MTMR8: variants seen among roughly 807,000 people sequenced by gnomAD.
MTMR8 encodes the protein myotubularin related protein 8.
Under a neutral mutation model 39.3 loss-of-function variants are expected in MTMR8, and 65 were observed. The ratio of observed to expected loss-of-function variants is 1.65; its 90% CI spans 1.35 to 2.03. MTMR8 has a LOEUF of 2.03. MTMR8 is among the 30% of genes most tolerant of loss of function. MTMR8 has a pLI of 0.00. For missense variants in MTMR8, 777 were observed against 538.9 expected, an observed-to-expected ratio of 1.44 and a Z score of -4.37; for synonymous variants, 245 against 185.2, an observed-to-expected ratio of 1.32 and a Z score of -2.62.
chrX:64,302,872 C>T (rs1280225801), intron 12 of MTMR8, among the ~76,000 whole-genome samples: 1 of 112,205 alleles, frequency 8.9e-6, no homozygotes, highest in Non-Finnish European at 1.9e-5. Flanking sequence ...TGCTGCCTAG[C>T]AACATCATAT....
chrX:64,326,663 T>C (rs912976692), intron 12 of MTMR8, among the ~76,000 whole-genome samples: 5 of 110,126 alleles, frequency 4.5e-5, no homozygotes, highest in African/African-American at 1.3e-4. Context: ...AAAATACCAA[T>C]GGCATTCTTC....
At chrX:64,312,559 G>C (rs772865615) in intron 12 of MTMR8, among the ~76,000 whole-genome samples, 1 of 112,418 alleles carries the variant, frequency 8.9e-6, no homozygotes, top group South Asian at 3.7e-4. Flanking sequence ...CACATGACAT[G>C]ATTGTATATT....
intron 12 of MTMR8, among the ~76,000 whole-genome samples, chrX:64,301,243 T>G (rs1921862493): frequency 2.8e-5 from 3 of 108,254 alleles, no homozygotes; most frequent in Admixed American, 1.0e-4. Flanking sequence ...TCTTTTCACA[T>G]AGTCCCATAT....
intron 12 of MTMR8, among the ~76,000 whole-genome samples, chrX:64,309,616 T>C (rs1307500831): frequency 1.8e-5 from 2 of 111,665 alleles, no homozygotes; most frequent in Non-Finnish European, 3.8e-5. Context: ...TGGCTAGGAC[T>C]TCCAATACTA....
chrX:64,310,749 T>C (rs1182071783), intron 12 of MTMR8, among the ~76,000 whole-genome samples: 1 of 109,415 alleles, frequency 9.1e-6, no homozygotes, highest in African/African-American at 3.3e-5. Flanking sequence ...CAACATGCGG[T>C]ATTTGGTTTT....
chrX:64,311,019 A>G (rs1922280739), intron 12 of MTMR8, among the ~76,000 whole-genome samples: 1 of 111,702 alleles, frequency 9.0e-6, no homozygotes, highest in African/African-American at 3.3e-5. Context: ...TATACCCAGT[A>G]ATGGGATTGC....
chrX:64,296,206 A>T (rs1921574226), intron 12 of MTMR8, among the ~76,000 whole-genome samples: 1 of 111,860 alleles, frequency 8.9e-6, no homozygotes, highest in Admixed American at 9.6e-5. Flanking sequence ...CCAGACACAA[A>T]CACATACAAA....
intron 12 of MTMR8, among the ~76,000 whole-genome samples, chrX:64,275,236 G>A (rs1931845687): frequency 9.0e-6 from 1 of 110,934 alleles, no homozygotes; most frequent in Non-Finnish European, 1.9e-5. Context: ...ATAAATTATA[G>A]TGATAATTTA....
intron 2 of MTMR8, among the ~76,000 whole-genome samples, chrX:64,357,547 C>T (rs1312630023): frequency 9.0e-6 from 1 of 111,113 alleles, no homozygotes; most frequent in Admixed American, 9.6e-5. Flanking sequence ...TTGCCTCAGC[C>T]TCCTGAGTAA....
At chrX:64,287,919 G>A (rs1257550029) in intron 12 of MTMR8, among the ~76,000 whole-genome samples, 2 of 99,297 alleles carry the variant, frequency 2.0e-5, no homozygotes, top group Non-Finnish European at 4.0e-5. Context: ...AGGACTTGAT[G>A]TCTAAAACAC....
At chrX:64,378,302 C>T (rs1215112606) in intron 1 of MTMR8, among the ~76,000 whole-genome samples, 1 of 111,945 alleles carries the variant, frequency 8.9e-6, no homozygotes, top group East Asian at 2.8e-4. Flanking sequence ...CTCATTGCAG[C>T]CTCAACCTCC....
intron 12 of MTMR8, among the ~76,000 whole-genome samples, chrX:64,328,013 A>G (rs953631495): frequency 8.9e-6 from 1 of 111,975 alleles, no homozygotes; most frequent in South Asian, 3.8e-4. Flanking sequence ...TGTAATAGCA[A>G]AAAAATACAA....
intron 12 of MTMR8, among the ~76,000 whole-genome samples, chrX:64,300,575 C>G (rs1217260750): frequency 8.9e-5 from 9 of 101,561 alleles, no homozygotes; most frequent in Non-Finnish European, 1.8e-4. Context: ...AGTCCATTTA[C>G]ATTTAAAGTT....
intron 12 of MTMR8, among the ~76,000 whole-genome samples, chrX:64,300,868 T>G (rs1182437146): frequency 3.6e-5 from 4 of 110,540 alleles, no homozygotes; most frequent in Non-Finnish European, 7.6e-5. Context: ...AATTCTGGGT[T>G]GAAAATTCTT....
At chrX:64,326,732 C>G (rs1304764706) in intron 12 of MTMR8, among the ~76,000 whole-genome samples, 1 of 110,273 alleles carries the variant, frequency 9.1e-6, no homozygotes, top group African/African-American at 3.3e-5. Flanking sequence ...TCCCGAATAG[C>G]TGAGGCAAAC....
intron 12 of MTMR8, chrX:64,305,696 A>G (rs1922086470): frequency 9.4e-6 from 5 of 529,326 alleles, no homozygotes; most frequent in African/African-American, 2.3e-5. Flanking sequence ...CAGTAAGGTA[A>G]GAGAGGGCCC....
rs191408465 is a variant in MTMR8, at chrX:64,346,850, C to T, written c.733-1673G>A. 3.1e-3 allele frequency among the ~76,000 whole-genome samples: 338 copies of T among 110,663 alleles called. 2 individuals carry two copies. Among genetic ancestry groups the T allele is most frequent in the Non-Finnish European group, 3.9e-3 (208 of 52,883 alleles). Reference sequence around the variant, plus strand: ...ATTATTTAATCTTTAAAGATACAGACGCGATTAAACTCTTTCCAATTGCAG... The same window carrying T: ...ATTATTTAATCTTTAAAGATACAGATGCGATTAAACTCTTTCCAATTGCAG... On this transcript the variant is annotated intron_variant, in intron 6 of 13. Transcript: ENST00000374852.
Position 64,300,975 on chromosome X carries a change from G to A in MTMR8, c.1481+27797C>T, listed in dbSNP as rs1336787174. ...TTAGTCTGATGGGCTTCCCTTTGAGGGTAACCCGACCTTTCTCTCTGGCTG... is the reference window on the plus strand; with the variant it reads ...TTAGTCTGATGGGCTTCCCTTTGAGAGTAACCCGACCTTTCTCTCTGGCTG... On this transcript the variant is annotated intron_variant, in intron 12 of 13. Coordinates refer to ENST00000374852, the MANE Select transcript of MTMR8 (RefSeq NM_017677.4). Among the ~76,000 whole-genome samples, 4 of 107,654 alleles carry A rather than the reference G, an allele frequency of 3.7e-5. No homozygotes were observed. The East Asian group carries it at 8.9e-4, about 24-fold the overall frequency. 93.5% of individuals were successfully genotyped at this position (107,654 alleles called of 115,157 possible). A position where few individuals can be genotyped will look rare whatever the true frequency, so the allele number is the denominator to read the frequency against.
chrX:64,381,831 G>A (rs1238110295), intron 1 of MTMR8, among the ~76,000 whole-genome samples: 12 of 111,712 alleles, frequency 1.1e-4, no homozygotes, highest in African/African-American at 3.9e-4. Flanking sequence ...TGGCTAGCCA[G>A]TTTTCCAAGC....
Sources: allele counts gnomAD v4.1 joint callset (sites outside exome capture counted in the v4.1 genomes callset), GRCh38; gene constraint gnomAD v4.1.1; transcripts MANE v1.5; gene names NCBI Gene and HGNC (gene_info 2026-07-23, HGNC 2026-07-21).